The following PABPC4L variants were observed in gnomAD, a reference collection of about 807,000 sequenced individuals.
PABPC4L encodes poly(A) binding protein cytoplasmic 4 like, also known as polyadenylate-binding protein 4-like.
For synonymous variants in PABPC4L, 169 were observed against 164.1 expected (o/e 1.03, Z -0.23); for missense variants, 452 against 451.4 (o/e 1.00, Z -0.01).
chr4:134,135,040 T>C, the PABPC4L span, among the ~76,000 whole-genome samples: 1 of 152,090 alleles, frequency 6.6e-6, no homozygotes. Context: ...AACTAGCGAA[T>C]TAATACATAT....
chr4:134,028,059 T>A, the PABPC4L span, among the ~76,000 whole-genome samples: 32 of 151,430 alleles, frequency 2.1e-4, no homozygotes, highest in Admixed American at 3.3e-4. Flanking sequence ...CTCAAAGTGC[T>A]GTCACCAGAC....
the PABPC4L span, among the ~76,000 whole-genome samples, chr4:134,052,362 G>GT: frequency 6.6e-6 from 1 of 151,992 alleles, no homozygotes; most frequent in African/African-American, 2.4e-5. Context: ...CAGTGAAGTT[G>GT]TATTTTTATT....
chr4:134,080,913 T>C, the PABPC4L span, among the ~76,000 whole-genome samples: 1 of 152,160 alleles, frequency 6.6e-6, no homozygotes, highest in African/African-American at 2.4e-5. Flanking sequence ...ATTGACCATG[T>C]AACTGACAAC....
At chr4:134,094,691 G>A in the PABPC4L span, among the ~76,000 whole-genome samples, 1 of 151,532 alleles carries the variant, frequency 6.6e-6, no homozygotes, top group Non-Finnish European at 1.5e-5. Context: ...ATTCATACCA[G>A]ACATTTAACA....
At chr4:134,016,194 G>A in the PABPC4L span, among the ~76,000 whole-genome samples, 4 of 152,116 alleles carry the variant, frequency 2.6e-5, no homozygotes, top group Non-Finnish European at 1.5e-5. Context: ...TGAGGCTACT[G>A]CTCTGTCCCC....
the PABPC4L span, among the ~76,000 whole-genome samples, chr4:133,966,384 C>T: frequency 6.6e-6 from 1 of 152,112 alleles, no homozygotes; most frequent in Non-Finnish European, 1.5e-5. Context: ...AACCGTTATG[C>T]AAAACAGTGT....
the PABPC4L span, among the ~76,000 whole-genome samples, chr4:134,072,093 T>C: frequency 1.3e-5 from 2 of 151,722 alleles, no homozygotes; most frequent in African/African-American, 4.8e-5. Context: ...CATTTCTCTC[T>C]GAAAAAAAAA....
Position 134,200,474 on chromosome 4 carries a change from G to T in PABPC4L, c.546C>A (p.Leu182=), listed in dbSNP as rs1258659040. The T allele has an allele frequency of 6.4e-7, 1 of 1,551,618 alleles. No individual in the cohort carries two copies. Among genetic ancestry groups the T allele is most frequent in the South Asian group, 1.2e-5 (1 of 84,058 alleles). The part of the protein sequence containing the change: ...FKNRKDREAE[L]RSKASEFTNV... ...TGGTGAATTCACTGGCTTTGCTTCT[G>T]AGTTCAGCTTCACGATCTTTTCGGT... is the stretch of plus-strand genomic sequence containing the variant. Residue 182 remains leucine (L), a synonymous_variant, in exon 2 of 2, where the codon CTC becomes CTA. Coordinates refer to ENST00000421491, the MANE Select transcript of PABPC4L (RefSeq NM_001114734.2).
At chr4:133,978,507 C>A in the PABPC4L span, among the ~76,000 whole-genome samples, 1 of 151,744 alleles carries the variant, frequency 6.6e-6, no homozygotes, top group African/African-American at 2.4e-5. Context: ...TCCCTACTAC[C>A]CAGGAGTTAG....
the PABPC4L span, among the ~76,000 whole-genome samples, chr4:134,154,931 T>C: frequency 2.0e-5 from 3 of 152,074 alleles, no homozygotes; most frequent in Non-Finnish European, 4.4e-5. Context: ...TAAAACACTA[T>C]AGCAAAACTT....
At chr4:134,029,680 T>A in the PABPC4L span, among the ~76,000 whole-genome samples, 2 of 151,872 alleles carry the variant, frequency 1.3e-5, no homozygotes, top group Admixed American at 6.6e-5. Flanking sequence ...TTCTTTAGCT[T>A]AATTTAGAAT....
At chr4:134,000,943 C>T in the PABPC4L span, among the ~76,000 whole-genome samples, 1 of 152,058 alleles carries the variant, frequency 6.6e-6, no homozygotes, top group African/African-American at 2.4e-5. Flanking sequence ...TTCTTGGCTT[C>T]CATAATCTCA....
downstream of PABPC4L, among the ~76,000 whole-genome samples, chr4:134,193,323 A>T (rs988664575): frequency 1.3e-5 from 2 of 151,968 alleles, no homozygotes; most frequent in East Asian, 3.8e-4. Flanking sequence ...AAATAAATAT[A>T]CCCATCCTAT....
chr4:134,072,510 A>G, the PABPC4L span, among the ~76,000 whole-genome samples: 2 of 152,314 alleles, frequency 1.3e-5, no homozygotes, highest in South Asian at 4.1e-4. Context: ...TGTTTTCTCT[A>G]CATTTTATAA....
chr4:134,036,603 A>G, the PABPC4L span, among the ~76,000 whole-genome samples: 1 of 152,094 alleles, frequency 6.6e-6, no homozygotes, highest in Non-Finnish European at 1.5e-5. Context: ...TTTAATCTCC[A>G]TTTTACCAAC....
chr4:134,200,075 T>C lies in PABPC4L; in HGVS notation c.945A>G (p.Ser315=). The change falls in exon 2 of 2, where the codon TCA becomes TCG. Residue 315 remains serine (S), a synonymous_variant. Coordinates refer to ENST00000421491, the MANE Select transcript of PABPC4L (RefSeq NM_001114734.2). ...CCTTAACTCTGCTAATTGATCCAAATGAAGAAAATTCGTTTCGTAGTTTTT... is the reference window on the plus strand; with the variant it reads ...CCTTAACTCTGCTAATTGATCCAAACGAAGAAAATTCGTTTCGTAGTTTTT... The part of the protein sequence containing the change: ...DDEKLRNEFS[S]FGSISRVKVM... The C allele has an allele frequency of 6.4e-7, 1 of 1,551,680 alleles. No homozygotes were observed. The highest frequency in any genetic ancestry group is 8.7e-7 in the Non-Finnish European group (1 of 1,146,964).
the PABPC4L span, among the ~76,000 whole-genome samples, chr4:133,962,240 A>T: frequency 1.3e-5 from 2 of 152,224 alleles, no homozygotes; most frequent in African/African-American, 2.4e-5. Context: ...CACAACCAAA[A>T]AATCACACTA....
the PABPC4L span, among the ~76,000 whole-genome samples, chr4:134,180,555 A>C: frequency 6.6e-6 from 1 of 151,876 alleles, no homozygotes; most frequent in African/African-American, 2.4e-5. Flanking sequence ...GGAAACTGAG[A>C]TGCAAAAAAT....
the PABPC4L span, among the ~76,000 whole-genome samples, chr4:134,082,270 G>C: frequency 6.6e-6 from 1 of 151,768 alleles, no homozygotes; most frequent in South Asian, 2.1e-4. Flanking sequence ...TTTTATTTCT[G>C]TATCTGTGTG....
Sources: allele counts gnomAD v4.1 joint callset (sites outside exome capture counted in the v4.1 genomes callset), GRCh38; gene constraint gnomAD v4.1.1; transcripts MANE v1.5; gene names NCBI Gene and HGNC (gene_info 2026-07-23, HGNC 2026-07-21).